PCDHGA1: variants seen among roughly 807,000 people sequenced by gnomAD.
The protein encoded by PCDHGA1 is protocadherin gamma-A1.
Under a neutral mutation model 58.0 loss-of-function variants are expected in PCDHGA1, and 32 were observed. That is an observed-to-expected ratio of 0.55 (90% CI 0.42 to 0.74). The LOEUF is 0.74. Ranked by LOEUF, PCDHGA1 falls within the 30% of genes least tolerant of loss-of-function variation. The probability of loss-of-function intolerance (pLI) is 0.00; values close to 1 mark genes in which losing one functional copy is unlikely to be tolerated. For missense variants in PCDHGA1, 1,205 were observed against 1,182.3 expected (o/e 1.02, Z -0.28); for synonymous variants, 498 against 501.1 (o/e 0.99, Z 0.08).
At chr5:141,410,849 C>CTTTTTCT (rs2095432763) in intron 1 of PCDHGA1, 1 of 129,786 alleles carries the variant, frequency 7.7e-6, no homozygotes, top group Non-Finnish European at 1.3e-5. Flanking sequence ...TTGTCTTTGT[C>CTTTTTCT]TTTTTTTTTT....
At chr5:141,502,697 T>C (rs893610041) in intron 2 of PCDHGA1, among the ~76,000 whole-genome samples, 13 of 152,208 alleles carry the variant, frequency 8.5e-5, no homozygotes, top group African/African-American at 3.1e-4. Context: ...CTTGCCTGTA[T>C]CTGTTTTTAC....
At chr5:141,353,540 C>A (rs550805213) in intron 1 of PCDHGA1, among the ~76,000 whole-genome samples, 1 of 152,290 alleles carries the variant, frequency 6.6e-6, no homozygotes, top group South Asian at 2.1e-4. Context: ...GCATCACTAA[C>A]TTTGAGTCAA....
In PCDHGA1 at chr5:141,378,437, C is replaced by T. The variant is rs146402003; in HGVS notation, c.2421+45332C>T. ...ACTCGGGAGGCTGAGGCAGGAGAAT[C>T]GCTTGAACCCATGAGGCAGAGGTTG... On this transcript the variant is annotated intron_variant, in intron 1 of 3. Transcript: ENST00000517417. 592 of 152,418 alleles carry T rather than the reference C, an allele frequency of 3.9e-3. 6 individuals are homozygous for T. The highest frequency in any genetic ancestry group is 0.011 in the Admixed American group (171 of 15,310). The allele number at this position is 152,418 out of a possible 1,614,324, so 9.4% of individuals were successfully genotyped here.
chr5:141,384,064 A>G, intron 1 of PCDHGA1: 13 of 1,607,984 alleles, frequency 8.1e-6, no homozygotes, highest in Non-Finnish European at 1.1e-5. Context: ...CATTCCAGAA[A>G]ACCTACCTTT....
At chr5:141,423,294 C>T (rs1222440954) in intron 1 of PCDHGA1, 22 of 1,614,036 alleles carry the variant, frequency 1.4e-5, no homozygotes, top group Admixed American at 1.3e-4. Flanking sequence ...AAACCTCAGA[C>T]CTCTCGCTGT....
Position 141,395,542 on chromosome 5 carries a change from TTGTGTGTGTGTG to T in PCDHGA1, c.2421+62475_2421+62486del, listed in dbSNP as rs55729045. ...TCCATACTGGTAATTTTGCTATTGT[TTGTGTGTGTGTG>T]TGTGTGTGTGTGTGTGTGTGTGTGT... is the stretch of plus-strand genomic sequence containing the variant. On this transcript the variant is annotated intron_variant, in intron 1 of 3. Coordinates refer to ENST00000517417, the MANE Select transcript of PCDHGA1 (RefSeq NM_018912.3). 188 of 172,586 alleles carry T rather than the reference TTGTGTGTGTGTG, an allele frequency of 1.1e-3. 1 individual carries two copies. Among genetic ancestry groups the T allele is most frequent in the African/African-American group, 5.0e-3 (88 of 17,544 alleles). 10.7% of individuals were successfully genotyped at this position (172,586 alleles called of 1,614,324 possible).
At chr5:141,400,018 A>G in intron 1 of PCDHGA1, 2 of 1,612,648 alleles carry the variant, frequency 1.2e-6, no homozygotes, top group African/African-American at 1.3e-5. Context: ...CTTGGGCGAC[A>G]GGGACGCGGC....
At chr5:141,398,267 T>G (rs757957397) in intron 1 of PCDHGA1, 2 of 1,435,108 alleles carry the variant, frequency 1.4e-6, no homozygotes, top group East Asian at 2.5e-5. Context: ...GGCTCCGTAG[T>G]GGGGAACCTC....
At chr5:141,454,796 ATTTTTTTTTTTTTTTT>A (rs61612330) in intron 1 of PCDHGA1, among the ~76,000 whole-genome samples, 1 of 77,408 alleles carries the variant, frequency 1.3e-5, no homozygotes, top group East Asian at 4.0e-4. Flanking sequence ...CATGGTTCTA[ATTTTTTTTTTTTTTTT>A]TTTTTTTTTT....
At chr5:141,466,794 T>C (rs1487051313) in intron 1 of PCDHGA1, among the ~76,000 whole-genome samples, 2 of 152,226 alleles carry the variant, frequency 1.3e-5, no homozygotes, top group Non-Finnish European at 2.9e-5. Context: ...TGCCTCAAAC[T>C]AGATCCTATT....
intron 1 of PCDHGA1, chr5:141,346,382 G>C: frequency 3.1e-6 from 5 of 1,614,268 alleles, no homozygotes; most frequent in Non-Finnish European, 4.2e-6. Flanking sequence ...TCAGCCAGGA[G>C]AGCTGTGAGA....
At position 141,431,031 on chromosome 5, in the gene PCDHGA1, A is replaced by C; in HGVS notation, c.2422-63776A>C. Reference sequence around the variant, plus strand: ...AGCTTGGTCACGGCGGGCAGGATAGACCGGGAGGAGCTCTGTATGGGGGCC... The same window carrying C: ...AGCTTGGTCACGGCGGGCAGGATAGCCCGGGAGGAGCTCTGTATGGGGGCC... On this transcript the variant is annotated intron_variant, in intron 1 of 3. Coordinates refer to ENST00000517417, the MANE Select transcript of PCDHGA1 (RefSeq NM_018912.3). This position sits in a 1 kb window ranked among gnomAD's most constrained non-coding sequence, Gnocchi z 4.8. 1 of 1,614,036 alleles carries C rather than the reference A, an allele frequency of 6.2e-7. No homozygotes were observed. The highest frequency in any genetic ancestry group is 8.5e-7 in the Non-Finnish European group (1 of 1,180,000).
intron 1 of PCDHGA1, chr5:141,410,537 A>G (rs772317770): frequency 1.1e-5 from 17 of 1,613,760 alleles, no homozygotes; most frequent in African/African-American, 1.3e-5. Flanking sequence ...CAATGAAGAC[A>G]TGGTTTGCAG....
At chr5:141,353,104 G>A (rs1481867044) in intron 1 of PCDHGA1, among the ~76,000 whole-genome samples, 1 of 152,134 alleles carries the variant, frequency 6.6e-6, no homozygotes, top group Non-Finnish European at 1.5e-5. Flanking sequence ...GTACTAGATA[G>A]ATGGAGATTG....
chr5:141,472,980 C>CAAAAAAAAAAAAAAAAAAAAA (rs60579131), intron 1 of PCDHGA1, among the ~76,000 whole-genome samples: 3 of 86,094 alleles, frequency 3.5e-5, no homozygotes, highest in Non-Finnish European at 5.0e-5. Context: ...GAGTGAAACT[C>CAAAAAAAAAAAAAAAAAAAAA]AAAAAAAAAA....
intron 1 of PCDHGA1, chr5:141,416,557 T>C (rs1428283225): frequency 3.9e-5 from 6 of 152,112 alleles, no homozygotes; most frequent in Non-Finnish European, 8.8e-5. Flanking sequence ...CCTGAAACTC[T>C]GAAAACTCTG....
chr5:141,415,039 G>A (rs761101620), intron 1 of PCDHGA1: 1 of 1,613,486 alleles, frequency 6.2e-7, no homozygotes, highest in South Asian at 1.1e-5. Context: ...GGGACTCTTC[G>A]CGGTGGGGGA....
chr5:141,487,591 C>T lies in PCDHGA1; in HGVS notation c.2422-7216C>T. 8 of 1,614,176 alleles carry T rather than the reference C, an allele frequency of 5.0e-6. No homozygotes were observed. The highest frequency in any genetic ancestry group is 6.8e-6 in the Non-Finnish European group (8 of 1,180,036). On this transcript the variant is annotated intron_variant, in intron 1 of 3. Coordinates refer to ENST00000517417, the MANE Select transcript of PCDHGA1 (RefSeq NM_018912.3). The surrounding 1 kb of genome is among the most constrained non-coding windows in gnomAD (Gnocchi z 5.0). ...AGCCTGTTCGCCCAAGCTGCCCACC[C>T]TCTGATCTTCTCTATGGGCTAGAGG...
At chr5:141,404,832 G>T in intron 1 of PCDHGA1, 1 of 1,613,864 alleles carries the variant, frequency 6.2e-7, no homozygotes, top group Non-Finnish European at 8.5e-7. Flanking sequence ...GGTGAAGTGC[G>T]CACAGCTCGG....
Sources: allele counts gnomAD v4.1 joint callset (sites outside exome capture counted in the v4.1 genomes callset), GRCh38; gene constraint gnomAD v4.1.1; non-coding constraint Gnocchi (gnomAD v3.1); transcripts MANE v1.5; gene names NCBI Gene and HGNC (gene_info 2026-07-23, HGNC 2026-07-21).